Variants in CTIF observed in about 807,000 individuals in gnomAD.
The protein encoded by CTIF is cap binding complex dependent translation initiation factor.
In CTIF, 21 loss-of-function variants were observed where a neutral mutation model predicts 66.0. That is an observed-to-expected ratio of 0.32 (90% CI 0.23 to 0.46). The LOEUF is 0.46. Among genes scored for constraint, CTIF ranks in the 20% least tolerant of loss-of-function variants. The probability of loss-of-function intolerance (pLI) is 1.00; values close to 1 mark genes in which losing one functional copy is unlikely to be tolerated. For missense variants in CTIF, 739 were observed against 812.7 expected, an observed-to-expected ratio of 0.91 and a Z score of 1.10; for synonymous variants, 345 against 326.4, an observed-to-expected ratio of 1.06 and a Z score of -0.62.
chr18:48,815,910 G>A (rs568184144), intron 9 of CTIF, among the ~76,000 whole-genome samples: 1 of 149,194 alleles, frequency 6.7e-6, no homozygotes, highest in African/African-American at 2.5e-5. Flanking sequence ...GCGTCATCTT[G>A]GAGTCTCCCC....
intron 7 of CTIF, among the ~76,000 whole-genome samples, chr18:48,715,699 A>G (rs2092275037): frequency 6.6e-6 from 1 of 152,216 alleles, no homozygotes; most frequent in Admixed American, 6.5e-5. Flanking sequence ...AAGGCAATGA[A>G]TGGATGTTGT....
intron 1 of CTIF, among the ~76,000 whole-genome samples, chr18:48,589,765 G>C (rs995279190): frequency 1.3e-5 from 2 of 152,186 alleles, no homozygotes; most frequent in Non-Finnish European, 2.9e-5. Context: ...TTCTTTGTGT[G>C]GGGGGAGCTG....
chr18:48,822,321 G>A (rs534274037), intron 10 of CTIF, among the ~76,000 whole-genome samples: 2 of 152,104 alleles, frequency 1.3e-5, no homozygotes, highest in East Asian at 1.9e-4. Flanking sequence ...ATCACCTCGA[G>A]TATTTATCAT....
At chr18:48,652,458 C>A (rs998190243) in intron 3 of CTIF, among the ~76,000 whole-genome samples, 1 of 152,292 alleles carries the variant, frequency 6.6e-6, no homozygotes, top group South Asian at 2.1e-4. Context: ...TCTGAATAGA[C>A]CAATAACAGG....
intron 7 of CTIF, among the ~76,000 whole-genome samples, chr18:48,736,022 C>G (rs1313243102): frequency 1.6e-4 from 24 of 152,276 alleles, no homozygotes; most frequent in Non-Finnish European, 1.5e-5. Context: ...TGCCACGAAG[C>G]ATTTTCCCTG....
chr18:48,600,584 G>T (rs145430096), intron 1 of CTIF, among the ~76,000 whole-genome samples: 11 of 151,898 alleles, frequency 7.2e-5, no homozygotes, highest in Non-Finnish European at 1.2e-4. Context: ...AGTGACAGGC[G>T]TTTGTTGCGC....
intron 9 of CTIF, among the ~76,000 whole-genome samples, chr18:48,809,895 T>G (rs1389352770): frequency 1.3e-5 from 2 of 151,954 alleles, no homozygotes; most frequent in Middle Eastern, 3.2e-3. Context: ...TTATTTCTGT[T>G]TCTTCTTTCT....
intron 1 of CTIF, among the ~76,000 whole-genome samples, chr18:48,585,968 T>G (rs1195913486): frequency 6.6e-6 from 1 of 152,232 alleles, no homozygotes. Flanking sequence ...GTTTTCCCTT[T>G]GGGTGAACTC....
intron 10 of CTIF, among the ~76,000 whole-genome samples, chr18:48,833,897 CTG>C (rs1277721164): frequency 6.6e-6 from 1 of 152,236 alleles, no homozygotes. Context: ...CTCAAAGCAA[CTG>C]TGCAAAAGAT....
chr18:48,772,494 C>T (rs1362050720), intron 9 of CTIF, among the ~76,000 whole-genome samples: 2 of 152,064 alleles, frequency 1.3e-5, no homozygotes, highest in Non-Finnish European at 2.9e-5. Flanking sequence ...AGCAATAACT[C>T]CCCTACAGCA....
intron 6 of CTIF, among the ~76,000 whole-genome samples, chr18:48,704,385 A>G (rs2092124145): frequency 6.6e-6 from 1 of 152,206 alleles, no homozygotes; most frequent in African/African-American, 2.4e-5. Context: ...TCAAATTCAA[A>G]TTCAAAATTT....
At chr18:48,660,772 C>A (rs1568112990) in intron 3 of CTIF, among the ~76,000 whole-genome samples, 1 of 152,236 alleles carries the variant, frequency 6.6e-6, no homozygotes, top group East Asian at 1.9e-4. Context: ...TGCCAACCTG[C>A]AGGCCAGGAG....
At chr18:48,807,465 A>G (rs1470173059) in intron 9 of CTIF, among the ~76,000 whole-genome samples, 1 of 152,098 alleles carries the variant, frequency 6.6e-6, no homozygotes, top group South Asian at 2.1e-4. Flanking sequence ...AAAAAACTCT[A>G]TTCATGGATG....
At chr18:48,692,245 G>T (rs867570472) in intron 6 of CTIF, among the ~76,000 whole-genome samples, 1 of 151,740 alleles carries the variant, frequency 6.6e-6, no homozygotes, top group South Asian at 2.1e-4. Context: ...ACTTCTGGAG[G>T]TCTGGAAACA....
rs375859233 is a variant in CTIF at position 48,660,678 on chromosome 18, G to A, written c.253-3074G>A. On this transcript the variant is annotated intron_variant, in intron 3 of 11. Transcript: ENST00000256413. ...GGTTCCACCAGCTCTCTGCACAGGG[G>A]CATTGGCCCCCTCACAGCTGCTGCC... Among the ~76,000 whole-genome samples, 271 of 152,358 alleles carry A rather than the reference G, an allele frequency of 1.8e-3. 1 individual carries two copies. Among genetic ancestry groups the A allele is most frequent in the Middle Eastern group, 3.4e-3 (1 of 294 alleles).
intron 1 of CTIF, among the ~76,000 whole-genome samples, chr18:48,544,939 C>A (rs116454434): frequency 6.6e-5 from 10 of 152,160 alleles, no homozygotes; most frequent in Non-Finnish European, 1.5e-4. Flanking sequence ...TTCCATTCAA[C>A]GTCATGTGGG....
intron 9 of CTIF, among the ~76,000 whole-genome samples, chr18:48,774,866 T>G (rs1207138642): frequency 6.6e-6 from 1 of 152,178 alleles, no homozygotes; most frequent in Non-Finnish European, 1.5e-5. Context: ...ATAATCGGAA[T>G]AAGTGCATTC....
chr18:48,586,844 G>T (rs2143898756), intron 1 of CTIF, among the ~76,000 whole-genome samples: 1 of 152,208 alleles, frequency 6.6e-6, no homozygotes, highest in African/African-American at 2.4e-5. Context: ...TCACTCCAAA[G>T]CGGTATCAGG....
chr18:48,723,724 A>C (rs2092362096), intron 7 of CTIF, among the ~76,000 whole-genome samples: 1 of 152,216 alleles, frequency 6.6e-6, no homozygotes, highest in South Asian at 2.1e-4. Flanking sequence ...ACAGGGGCAC[A>C]GGTTTTAAAA....
Sources: allele counts gnomAD v4.1 joint callset (sites outside exome capture counted in the v4.1 genomes callset), GRCh38; gene constraint gnomAD v4.1.1; transcripts MANE v1.5; gene names NCBI Gene and HGNC (gene_info 2026-07-23, HGNC 2026-07-21).